Variants in TNPO3 observed in about 807,000 individuals in gnomAD.
TNPO3 encodes transportin-3.
TNPO3 carries 65 observed loss-of-function variants against 122.8 expected under a neutral mutation model. The ratio of observed to expected loss-of-function variants is 0.53; its 90% CI spans 0.43 to 0.65. TNPO3 has a LOEUF of 0.65. Among genes scored for constraint, TNPO3 ranks in the 30% least tolerant of loss-of-function variants. The pLI is 0.00. For synonymous variants in TNPO3, 372 were observed against 411.2 expected, an observed-to-expected ratio of 0.90 and a Z score of 1.15; for missense variants, 850 against 1,136.7, an observed-to-expected ratio of 0.75 and a Z score of 3.63.
intron 10 of TNPO3, among the ~76,000 whole-genome samples, chr7:128,990,796 TGAGTA>T (rs1800667176): frequency 2.0e-5 from 3 of 152,328 alleles, no homozygotes; most frequent in Admixed American, 6.5e-5. Flanking sequence ...AACGGCCTTT[TGAGTA>T]GAGTGGAGGA....
intron 1 of TNPO3, among the ~76,000 whole-genome samples, chr7:129,044,207 C>A (rs921138278): frequency 3.9e-5 from 6 of 152,230 alleles, no homozygotes; most frequent in Non-Finnish European, 8.8e-5. Flanking sequence ...GGATTACAGG[C>A]ATGAGCCACT....
Position 129,054,857 on chromosome 7 carries a change from C to A in TNPO3, c.-87G>T, listed in dbSNP as rs1229009128. The stretch of plus-strand genomic sequence containing the variant: ...CTCCGCCTTCGCGCTTCCTCACTGT[C>A]TGGGCCACGGCCGCTCCCTGACTGG... On this transcript the variant is annotated 5_prime_UTR_variant, in exon 1 of 23. Transcript: ENST00000265388. The A allele has an allele frequency of 6.3e-7, 1 of 1,581,472 alleles. No homozygotes were observed. The highest frequency in any genetic ancestry group is 1.1e-5 in the South Asian group (1 of 88,938).
intron 19 of TNPO3, among the ~76,000 whole-genome samples, chr7:128,972,106 A>G (rs1259789764): frequency 6.6e-6 from 1 of 152,222 alleles, no homozygotes; most frequent in East Asian, 1.9e-4. Flanking sequence ...GCGACAGAGC[A>G]AGACCCTGTT....
At chr7:129,023,349 A>C (rs922301389) in intron 1 of TNPO3, among the ~76,000 whole-genome samples, 1 of 151,882 alleles carries the variant, frequency 6.6e-6, no homozygotes, top group African/African-American at 2.4e-5. Flanking sequence ...GTATACATAC[A>C]CGTGTAGATA....
intron 1 of TNPO3, among the ~76,000 whole-genome samples, chr7:129,052,568 A>C (rs1043763390): frequency 6.6e-6 from 1 of 152,242 alleles, no homozygotes; most frequent in African/African-American, 2.4e-5. Flanking sequence ...GTTGTAATAG[A>C]GTATTGGAAA....
chr7:129,037,547 A>T (rs1806832802), intron 1 of TNPO3, among the ~76,000 whole-genome samples: 1 of 152,170 alleles, frequency 6.6e-6, no homozygotes, highest in African/African-American at 2.4e-5. Flanking sequence ...GTCACCCAGC[A>T]GATCACCTTC....
chr7:128,984,168 C>G lies in TNPO3; in HGVS notation c.1782G>C (p.Lys594Asn), dbSNP rs886044359. 2.5e-6 allele frequency: 4 copies of G among 1,580,002 alleles called. No homozygotes were observed. The highest frequency in any genetic ancestry group is 2.6e-6 in the Non-Finnish European group (3 of 1,163,112). ...LCSVQVMALK[K>N]LLSQEPSNGI... ...TCACACCTTCCTTAATTGGACTTAC[C>G]TTTTTCAATGCCATAACCTGAACAG... Residue 594 changes from lysine to asparagine, a missense_variant and splice_region_variant, in exon 13 of 23, where the codon AAG becomes AAC. Coordinates refer to ENST00000265388, the MANE Select transcript of TNPO3 (RefSeq NM_012470.4).
At chr7:129,017,918 G>A (rs1584575312) in intron 2 of TNPO3, 39 bp downstream of exon 2, 1 of 1,584,772 alleles carries the variant, frequency 6.3e-7, no homozygotes, top group African/African-American at 1.3e-5. Context: ...AAATCCAAAT[G>A]GCCATACAAA....
chr7:129,006,871 C>T (rs1785659851), intron 4 of TNPO3, among the ~76,000 whole-genome samples: 1 of 152,126 alleles, frequency 6.6e-6, no homozygotes, highest in African/African-American at 2.4e-5. Context: ...CCACAGAAGG[C>T]TATTTAAGAT....
chr7:128,965,720 T>A (rs932844585), intron 21 of TNPO3, among the ~76,000 whole-genome samples: 1 of 152,202 alleles, frequency 6.6e-6, no homozygotes, highest in African/African-American at 2.4e-5. Flanking sequence ...TAAAATGTGG[T>A]ATATGCATAC....
intron 12 of TNPO3, among the ~76,000 whole-genome samples, chr7:128,986,170 T>C (rs780715929): frequency 1.6e-4 from 25 of 152,360 alleles, no homozygotes; most frequent in Middle Eastern, 3.4e-3. Context: ...TAAAAATAGC[T>C]ACCATGCTTA....
chr7:129,016,348 C>T (rs138948839), intron 3 of TNPO3, among the ~76,000 whole-genome samples: 97 of 152,100 alleles, frequency 6.4e-4, no homozygotes, highest in Non-Finnish European at 1.1e-3. Flanking sequence ...GAGCCAAGAT[C>T]GCACCGTTGA....
chr7:128,968,354 C>T (rs1460311859), intron 20 of TNPO3, among the ~76,000 whole-genome samples: 1 of 152,062 alleles, frequency 6.6e-6, no homozygotes, highest in African/African-American at 2.4e-5. Flanking sequence ...TCTCTTTATG[C>T]CTTTTCTATG....
At chr7:128,971,139 T>G (rs1798447055) in intron 19 of TNPO3, 2 of 151,984 alleles carry the variant, frequency 1.3e-5, no homozygotes, top group Admixed American at 1.3e-4. Context: ...TTTTTCTTCT[T>G]GCGGTCTTTA....
At chr7:129,012,008 T>C (rs1184167403) in intron 4 of TNPO3, among the ~76,000 whole-genome samples, 1,908 of 145,288 alleles carry the variant, frequency 0.013, 24 homozygotes, top group African/African-American at 0.043. Flanking sequence ...TCTTTCTTTT[T>C]TTTTTTTTTT....
At chr7:129,027,519 C>T (rs1805340748) in intron 1 of TNPO3, among the ~76,000 whole-genome samples, 9 of 117,400 alleles carry the variant, frequency 7.7e-5, no homozygotes. Flanking sequence ...CAAGAACACA[C>T]TACTGCACTC....
chr7:128,962,977 C>T (rs1797610875), intron 21 of TNPO3, among the ~76,000 whole-genome samples: 1 of 152,030 alleles, frequency 6.6e-6, no homozygotes, highest in African/African-American at 2.4e-5. Context: ...TTGACAAAGA[C>T]TTATTCTACA....
chr7:128,983,915 G>C (rs1222525925), intron 13 of TNPO3, among the ~76,000 whole-genome samples: 1 of 152,100 alleles, frequency 6.6e-6, no homozygotes, highest in Admixed American at 6.5e-5. Flanking sequence ...ACTCATACTG[G>C]CTCAGGACAA....
At chr7:128,969,909 C>G (rs1798289693) in intron 20 of TNPO3, among the ~76,000 whole-genome samples, 1 of 152,226 alleles carries the variant, frequency 6.6e-6, no homozygotes, top group Non-Finnish European at 1.5e-5. Context: ...ATGCTTGATA[C>G]TTACTTCTGG....
Sources: allele counts gnomAD v4.1 joint callset (sites outside exome capture counted in the v4.1 genomes callset), GRCh38; gene constraint gnomAD v4.1.1; transcripts MANE v1.5; gene names NCBI Gene and HGNC (gene_info 2026-07-23, HGNC 2026-07-21).